The following DAB2IP variants were observed in gnomAD, a reference collection of about 807,000 sequenced individuals.
DAB2IP encodes the protein disabled homolog 2-interacting protein.
A neutral mutation model predicts 107.2 loss-of-function variants in DAB2IP; 28 were observed. The ratio of observed to expected loss-of-function variants is 0.26; its 90% CI spans 0.19 to 0.36. DAB2IP has a LOEUF of 0.36. Among genes scored for constraint, DAB2IP ranks in the 10% least tolerant of loss-of-function variants. The pLI is 1.00. For synonymous variants in DAB2IP, 755 were observed against 706.4 expected (o/e 1.07, Z -1.09); for missense variants, 1,400 against 1,644.7 (o/e 0.85, Z 2.57).
intron 14 of DAB2IP, among the ~76,000 whole-genome samples, chr9:121,778,439 G>A (rs541515773): frequency 6.6e-6 from 1 of 152,242 alleles, no homozygotes; most frequent in African/African-American, 2.4e-5. Flanking sequence ...AAATGGTTCT[G>A]CCTTTTTATT....
At position 121,699,156 on chromosome 9, in the gene DAB2IP, G is replaced by A. The variant is rs1314042372; in HGVS notation, c.229-169G>A. On this transcript the variant is annotated intron_variant, in intron 2 of 15. Coordinates refer to ENST00000408936, the Ensembl canonical transcript of DAB2IP. This position sits in a 1 kb window ranked among gnomAD's most constrained non-coding sequence, Gnocchi z 6.2. The stretch of plus-strand genomic sequence containing the variant: ...TGCGCGGGCCGGGCCGTCGGCGCTC[G>A]GTCGGCGGGCGGGCGGCGCGGGCCG... 6.2e-5 allele frequency among the ~76,000 whole-genome samples: 9 copies of A among 144,904 alleles called. No individual in the cohort carries two copies. The highest frequency in any genetic ancestry group is 7.6e-5 in the Non-Finnish European group (5 of 65,484).
At chr9:121,732,619 A>G (rs1831611344) in intron 3 of DAB2IP, among the ~76,000 whole-genome samples, 2 of 152,150 alleles carry the variant, frequency 1.3e-5, no homozygotes, top group African/African-American at 4.8e-5. Flanking sequence ...GCTCAAAACT[A>G]GGTGAGTGGG....
chr9:121,602,053 C>T (rs960727181), intron 1 of DAB2IP, among the ~76,000 whole-genome samples: 1 of 152,168 alleles, frequency 6.6e-6, no homozygotes, highest in Non-Finnish European at 1.5e-5. Context: ...CACTCCCCCC[C>T]AACCCAGGCC....
At chr9:121,722,030 G>A (rs894065974) in intron 3 of DAB2IP, among the ~76,000 whole-genome samples, 6 of 152,202 alleles carry the variant, frequency 3.9e-5, no homozygotes, top group Non-Finnish European at 8.8e-5. Context: ...AGTCAGCAGC[G>A]TTTACCCAAC....
At chr9:121,656,476 A>G (rs1832977024) in intron 1 of DAB2IP, among the ~76,000 whole-genome samples, 1 of 152,322 alleles carries the variant, frequency 6.6e-6, no homozygotes, top group African/African-American at 2.4e-5. Context: ...TCCACCTTGG[A>G]TGACACCTGT....
intron 3 of DAB2IP, among the ~76,000 whole-genome samples, chr9:121,712,811 C>T (rs1272112202): frequency 6.6e-6 from 1 of 152,214 alleles, no homozygotes; most frequent in Non-Finnish European, 1.5e-5. Flanking sequence ...ATTCCACAGT[C>T]CAAACAGGTC....
chr9:121,715,058 T>C (rs1467836076), intron 3 of DAB2IP, among the ~76,000 whole-genome samples: 1 of 152,128 alleles, frequency 6.6e-6, no homozygotes, highest in African/African-American at 2.4e-5. Context: ...AATGGCAGAG[T>C]CCAGATTTGA....
chr9:121,582,814 C>A (rs919212069), intron 1 of DAB2IP, among the ~76,000 whole-genome samples: 1 of 152,254 alleles, frequency 6.6e-6, no homozygotes, highest in Non-Finnish European at 1.5e-5. Context: ...CTCCTACTCA[C>A]ATGCTAGTGC....
chr9:121,774,287 C>T (rs775130647), exon 13 of DAB2IP: 1 of 1,613,384 alleles, frequency 6.2e-7, no homozygotes, highest in South Asian at 1.1e-5. Flanking sequence ...CCCCAATGCC[C>T]TGGACCGCAC....
rs904119231 is a variant in DAB2IP, at chr9:121,736,510, G to A, written c.363-20503G>A. ...TGGCCGCGGAATGTCACCCGCTGCCGGGCCTGGGAAGGGCTGGGCCTACTG... is the reference window on the plus strand; with the variant it reads ...TGGCCGCGGAATGTCACCCGCTGCCAGGCCTGGGAAGGGCTGGGCCTACTG... On this transcript the variant is annotated intron_variant, in intron 3 of 15. Transcript: ENST00000408936. This position sits in a 1 kb window ranked among gnomAD's most constrained non-coding sequence, Gnocchi z 4.6. Among the ~76,000 whole-genome samples, 2 of 149,394 alleles carry A rather than the reference G, an allele frequency of 1.3e-5. No individual in the cohort carries two copies. The highest frequency in any genetic ancestry group is 1.5e-5 in the Non-Finnish European group (1 of 67,150).
At chr9:121,607,212 G>A (rs563166992) in intron 1 of DAB2IP, among the ~76,000 whole-genome samples, 138 of 152,316 alleles carry the variant, frequency 9.1e-4, no homozygotes, top group African/African-American at 3.1e-3. Flanking sequence ...TCATCTTGGA[G>A]TGAGGTCTGA....
chr9:121,662,038 T>C lies in DAB2IP; in HGVS notation c.124+10139T>C, dbSNP rs1456202896. 4.6e-5 allele frequency among the ~76,000 whole-genome samples: 7 copies of C among 151,890 alleles called. No individual in the cohort carries two copies. The highest frequency in any genetic ancestry group is 4.6e-4 in the Admixed American group (7 of 15,260). ...GATTACAAAAAGCAGTAAATATCTA[T>C]TACAGAACAGAAGAAAATAAAAATC... On this transcript the variant is annotated intron_variant, in intron 1 of 15. Coordinates refer to ENST00000408936, the Ensembl canonical transcript of DAB2IP. This position sits in a 1 kb window ranked among gnomAD's most constrained non-coding sequence, Gnocchi z 4.6.
intron 3 of DAB2IP, among the ~76,000 whole-genome samples, chr9:121,716,172 G>A (rs568198259): frequency 3.4e-4 from 52 of 152,312 alleles, no homozygotes; most frequent in African/African-American, 7.5e-4. Flanking sequence ...GGATTCTTCC[G>A]TCTCTGAGAG....
At chr9:121,696,884 A>G (rs1342344855) in intron 2 of DAB2IP, among the ~76,000 whole-genome samples, 1 of 152,182 alleles carries the variant, frequency 6.6e-6, no homozygotes, top group African/African-American at 2.4e-5. Flanking sequence ...TGTTCCCTGG[A>G]AGAATCTCTT....
At chr9:121,725,167 G>A (rs540359566) in intron 3 of DAB2IP, among the ~76,000 whole-genome samples, 28 of 152,296 alleles carry the variant, frequency 1.8e-4, no homozygotes, top group African/African-American at 6.0e-4. Context: ...GTGTGTGCGC[G>A]CGTGTGTATG....
intron 6 of DAB2IP, 94 bp from the exon 7 acceptor site, chr9:121,763,411 A>C: frequency 6.7e-7 from 1 of 1,496,736 alleles, no homozygotes; most frequent in Non-Finnish European, 8.9e-7. Context: ...AACAGCCTCA[A>C]AATGCCAGGA....
upstream of DAB2IP, among the ~76,000 whole-genome samples, chr9:121,647,094 C>T (rs891422113): frequency 1.3e-5 from 2 of 152,182 alleles, no homozygotes; most frequent in African/African-American, 2.4e-5. Flanking sequence ...AAACAAACCT[C>T]TTGAGGTCAA....
chr9:121,765,019 G>C (rs2118985436), intron 8 of DAB2IP, among the ~76,000 whole-genome samples: 1 of 152,332 alleles, frequency 6.6e-6, no homozygotes, highest in South Asian at 2.1e-4. Flanking sequence ...GGCAGGCCAG[G>C]AGGGTTGGCA....
intron 3 of DAB2IP, chr9:121,751,241 C>G (rs576843356): frequency 6.0e-6 from 1 of 165,756 alleles, no homozygotes; most frequent in Admixed American, 6.4e-5. Flanking sequence ...AAAGGCCAAG[C>G]CAAGGCTGGT....
Sources: allele counts gnomAD v4.1 joint callset (sites outside exome capture counted in the v4.1 genomes callset), GRCh38; gene constraint gnomAD v4.1.1; non-coding constraint Gnocchi (gnomAD v3.1); transcripts MANE v1.5; gene names NCBI Gene and HGNC (gene_info 2026-07-23, HGNC 2026-07-21).